ZNF37A: variants seen among roughly 807,000 people sequenced by gnomAD.
ZNF37A encodes zinc finger protein 37A.
Under a neutral mutation model 12.3 loss-of-function variants are expected in ZNF37A, and 10 were observed. That is an observed-to-expected ratio of 0.82 (90% CI 0.50 to 1.38). The LOEUF is 1.38. ZNF37A is among the 40% of genes most tolerant of loss of function. The pLI, the probability that ZNF37A is intolerant of heterozygous loss-of-function variation, is 0.00. For synonymous variants in ZNF37A, 207 were observed against 223.0 expected, an observed-to-expected ratio of 0.93 and a Z score of 0.64; for missense variants, 580 against 651.2, an observed-to-expected ratio of 0.89 and a Z score of 1.19.
In ZNF37A at chr10:38,112,780, C is replaced by CG. The variant is rs1564932378; in HGVS notation, c.16-1975_16-1974insG. On this transcript the variant is annotated intron_variant, in intron 5 of 7. Coordinates refer to ENST00000685332, the MANE Select transcript of ZNF37A (RefSeq NM_001324250.3). ...CTTTTCTTTTCTTTTCTTTTCTTTTCTTTTCTTTTCTTTTCTTGTCTTGTC... is the reference window on the plus strand; with the variant it reads ...CTTTTCTTTTCTTTTCTTTTCTTTTCGTTTTCTTTTCTTTTCTTGTCTTGTC... Among the ~76,000 whole-genome samples, 2 of 53,002 alleles carry CG rather than the reference C, an allele frequency of 3.8e-5. 1 individual carries two copies. The highest frequency in any genetic ancestry group is 8.1e-5 in the Non-Finnish European group (2 of 24,594). 34.8% of individuals were successfully genotyped at this position (53,002 alleles called of 152,430 possible).
intron 5 of ZNF37A, among the ~76,000 whole-genome samples, chr10:38,099,446 A>G (rs536460179): frequency 9.9e-5 from 15 of 152,276 alleles, no homozygotes; most frequent in African/African-American, 3.1e-4. Flanking sequence ...GTGTTGTAGC[A>G]TGTGTCAGAA....
At chr10:38,096,768 A>G in intron 5 of ZNF37A, 136 bp downstream of exon 5, 8 of 775,558 alleles carry the variant, frequency 1.0e-5, no homozygotes, top group Non-Finnish European at 1.6e-5. Flanking sequence ...TCATGGGTCA[A>G]ATGCAGCCTG....
At chr10:38,099,023 ATTTC>A (rs2067358568) in intron 5 of ZNF37A, among the ~76,000 whole-genome samples, 1 of 152,018 alleles carries the variant, frequency 6.6e-6, no homozygotes, top group Admixed American at 6.6e-5. Context: ...AAATATTTTT[ATTTC>A]TTTCCAATTT....
At chr10:38,134,309 C>A (rs2070075541) in intron 7 of ZNF37A, among the ~76,000 whole-genome samples, 1 of 152,244 alleles carries the variant, frequency 6.6e-6, no homozygotes, top group Non-Finnish European at 1.5e-5. Flanking sequence ...AAGTCATTCT[C>A]TGTCCAGCTT....
intron 5 of ZNF37A, among the ~76,000 whole-genome samples, chr10:38,112,773 T>TCTTGTCTTG (rs1564932263): frequency 1.5e-5 from 1 of 65,634 alleles, no homozygotes; most frequent in African/African-American, 5.6e-5. Context: ...TTCTTTTCTT[T>TCTTGTCTTG]TCTTTTCTTT....
In ZNF37A at chr10:38,120,875, ATTTTT is replaced by A. The variant is rs1590925551; in HGVS notation, c.*2039_*2043del. 2 of 152,328 alleles carry A rather than the reference ATTTTT, an allele frequency of 1.3e-5. No homozygotes were observed. The highest frequency in any genetic ancestry group is 3.9e-4 in the East Asian group (2 of 5,186). The allele number at this position is 152,328 out of a possible 1,614,324, so 9.4% of individuals were successfully genotyped here. A position where few individuals can be genotyped will look rare whatever the true frequency, so the allele number is the denominator to read the frequency against. On this transcript the variant is annotated 3_prime_UTR_variant, in exon 8 of 8. Coordinates refer to ENST00000685332, the MANE Select transcript of ZNF37A (RefSeq NM_001324250.3). Reference sequence around the variant, plus strand: ...CTAATTTGAGAAGATAATAAGTAGGATTTTTGTTTTGTTTTGCATTTTGCAGTACA... The same window carrying A: ...CTAATTTGAGAAGATAATAAGTAGGAGTTTTGTTTTGCATTTTGCAGTACA...
exon 8 of ZNF37A, chr10:38,150,204 C>G (rs2070310578): frequency 6.6e-6 from 1 of 151,980 alleles, no homozygotes; most frequent in Admixed American, 6.5e-5. Flanking sequence ...TTTCCCCACT[C>G]TCATTCAGAA....
At chr10:38,128,517 GT>G (rs1168396217), downstream of ZNF37A, among the ~76,000 whole-genome samples, 1 of 152,038 alleles carries the variant, frequency 6.6e-6, no homozygotes, top group Non-Finnish European at 1.5e-5. Context: ...CTGTTAAAAA[GT>G]TTGAGTTTTA....
chr10:38,100,291 G>T (rs1257873694), intron 5 of ZNF37A, among the ~76,000 whole-genome samples: 3 of 152,180 alleles, frequency 2.0e-5, no homozygotes, highest in African/African-American at 7.2e-5. Context: ...CATTGTCATT[G>T]ATAACATCTT....
At chr10:38,145,569 A>G (rs937832538) in intron 7 of ZNF37A, among the ~76,000 whole-genome samples, 2 of 152,164 alleles carry the variant, frequency 1.3e-5, no homozygotes, top group African/African-American at 2.4e-5. Context: ...GGTCTTTTCT[A>G]TCAAATGAAA....
chr10:38,106,234 C>G (rs2068072753), intron 5 of ZNF37A, among the ~76,000 whole-genome samples: 1 of 152,170 alleles, frequency 6.6e-6, no homozygotes, highest in South Asian at 2.1e-4. Context: ...CAAACTCCAG[C>G]AGACCTGCAG....
intron 5 of ZNF37A, among the ~76,000 whole-genome samples, chr10:38,105,500 T>A (rs2067990805): frequency 6.6e-6 from 1 of 152,252 alleles, no homozygotes; most frequent in Non-Finnish European, 1.5e-5. Context: ...CATTACTTTA[T>A]GTAAGCTTAT....
chr10:38,100,915 G>A (rs189076589), intron 5 of ZNF37A, among the ~76,000 whole-genome samples: 125 of 152,264 alleles, frequency 8.2e-4, no homozygotes, highest in African/African-American at 2.6e-3. Context: ...ACTAATAAAT[G>A]TCCGTGAAAT....
downstream of ZNF37A, among the ~76,000 whole-genome samples, chr10:38,129,315 A>AAAAC: frequency 6.8e-6 from 1 of 148,050 alleles, no homozygotes; most frequent in African/African-American, 2.5e-5. Context: ...AAAAAAAAAA[A>AAAAC]AAAAAAACTA....
intron 5 of ZNF37A, 149 bp downstream of exon 5, chr10:38,096,781 G>A (rs576874531): frequency 1.3e-4 from 90 of 706,002 alleles, no homozygotes; most frequent in African/African-American, 1.1e-3. Flanking sequence ...GCAGCCTGCC[G>A]CATGTTTTTT....
downstream of ZNF37A, among the ~76,000 whole-genome samples, chr10:38,129,803 TTTTG>T (rs1353804694): frequency 3.3e-5 from 5 of 152,154 alleles, no homozygotes; most frequent in South Asian, 4.1e-4. Context: ...TAGTTTTGGG[TTTTG>T]TTTGTTTCTA....
chr10:38,142,136 G>T (rs1207753761), intron 7 of ZNF37A: 1 of 152,188 alleles, frequency 6.6e-6, no homozygotes, highest in African/African-American at 2.4e-5. Flanking sequence ...GAGCAGGGAA[G>T]CAGGGCTCTC....
downstream of ZNF37A, among the ~76,000 whole-genome samples, chr10:38,128,406 A>G (rs1181267641): frequency 6.6e-6 from 1 of 152,140 alleles, no homozygotes; most frequent in Non-Finnish European, 1.5e-5. Context: ...AGAGATGTAT[A>G]CTCAATAGAA....
chr10:38,111,333 G>T (rs751674009), intron 5 of ZNF37A, among the ~76,000 whole-genome samples: 1 of 152,004 alleles, frequency 6.6e-6, no homozygotes, highest in Non-Finnish European at 1.5e-5. Flanking sequence ...GGCCTGTCAG[G>T]GGGTTGGGGG....
Sources: gnomAD v4.1 joint callset for allele counts (sites outside exome capture counted in the v4.1 genomes callset) on GRCh38, gnomAD v4.1.1 for gene constraint, MANE v1.5 for transcripts, NCBI Gene and HGNC (gene_info 2026-07-23, HGNC 2026-07-21) for gene names.